CNTN3: variants seen among roughly 807,000 people sequenced by gnomAD.
CNTN3 encodes the protein contactin-3.
CNTN3 carries 60 observed loss-of-function variants against 119.1 expected under a neutral mutation model. That is an observed-to-expected ratio of 0.50 (90% CI 0.41 to 0.62). The LOEUF (loss-of-function observed/expected upper bound fraction) is 0.62. CNTN3 is among the 20% of genes least tolerant of loss of function. The pLI is 0.00. For missense variants in CNTN3, 1,101 were observed against 1,242.4 expected, an observed-to-expected ratio of 0.89 and a Z score of 1.71; for synonymous variants, 450 against 438.7, an observed-to-expected ratio of 1.03 and a Z score of -0.32.
At chr3:74,514,868 G>C (rs1451789883) in intron 2 of CNTN3, among the ~76,000 whole-genome samples, 2 of 152,068 alleles carry the variant, frequency 1.3e-5, no homozygotes, top group Admixed American at 1.3e-4. Context: ...TGGGAAAAGA[G>C]AAAACACACA....
At chr3:74,475,001 G>A (rs1702629408) in intron 4 of CNTN3, among the ~76,000 whole-genome samples, 1 of 152,206 alleles carries the variant, frequency 6.6e-6, no homozygotes, top group East Asian at 1.9e-4. Flanking sequence ...GCAGATGCCA[G>A]CATCATACTT....
intron 1 of CNTN3, among the ~76,000 whole-genome samples, chr3:74,523,773 C>A (rs192655504): frequency 6.6e-6 from 1 of 151,828 alleles, no homozygotes; most frequent in Non-Finnish European, 1.5e-5. Context: ...GAAAAAAATA[C>A]ATGGTCTGCA....
rs369934524 is a variant in CNTN3 at position 74,454,979 on chromosome 3, T to C, written c.359-30039A>G. Among the ~76,000 whole-genome samples, 521 of 152,276 alleles carry C rather than the reference T, an allele frequency of 3.4e-3. 5 individuals are homozygous for C. The highest frequency in any genetic ancestry group is 0.03 in the East Asian group (154 of 5,156). ...TCAACTTTGGTGACTCTGACAATTATGTGTCTTGGAGTTGCTCTTCTCAAA... is the reference window on the plus strand; with the variant it reads ...TCAACTTTGGTGACTCTGACAATTACGTGTCTTGGAGTTGCTCTTCTCAAA... On this transcript the variant is annotated intron_variant, in intron 4 of 22. Transcript: ENST00000263665.
chr3:74,328,821 C>T lies in CNTN3; in HGVS notation c.1668+5914G>A, dbSNP rs372127544. 4.1e-4 allele frequency among the ~76,000 whole-genome samples: 63 copies of T among 152,264 alleles called. No homozygotes were observed. In the East Asian group the frequency reaches 0.01, roughly 24 times the overall value. ...CATTATGGGAAGAGTCATGCTTCAACGACGTGGGTTCAAGATAAATAATAA... is the reference window on the plus strand; with the variant it reads ...CATTATGGGAAGAGTCATGCTTCAATGACGTGGGTTCAAGATAAATAATAA... On this transcript the variant is annotated intron_variant, in intron 13 of 22. Transcript: ENST00000263665.
intron 1 of CNTN3, among the ~76,000 whole-genome samples, chr3:74,608,417 C>T (rs138137008): frequency 6.6e-5 from 10 of 152,236 alleles, no homozygotes; most frequent in East Asian, 3.9e-4. Context: ...TTCTTTCATA[C>T]GCTAATGTTT....
intron 1 of CNTN3, among the ~76,000 whole-genome samples, chr3:74,567,534 G>C (rs1430533446): frequency 6.6e-6 from 1 of 151,942 alleles, no homozygotes; most frequent in South Asian, 2.1e-4. Flanking sequence ...AGTTCCTGCT[G>C]TGTGATACAT....
intron 1 of CNTN3, among the ~76,000 whole-genome samples, chr3:74,573,898 A>G (rs1014424274): frequency 1.3e-5 from 2 of 152,194 alleles, no homozygotes; most frequent in African/African-American, 2.4e-5. Context: ...GCCATTTTCC[A>G]AAAAGTTAAA....
chr3:74,300,004 A>C, intron 16 of CNTN3, 66 bp from the exon 17 acceptor site: 3 of 1,025,990 alleles, frequency 2.9e-6, no homozygotes, highest in Admixed American at 2.7e-5. Flanking sequence ...CTAAAAGATA[A>C]TGCAATGTTT....
chr3:74,416,786 G>A (rs1047739225), intron 5 of CNTN3, among the ~76,000 whole-genome samples: 1 of 152,106 alleles, frequency 6.6e-6, no homozygotes, highest in Admixed American at 6.5e-5. Context: ...TCAGGAGATC[G>A]AGAACAGGCT....
At chr3:74,302,387 T>C (rs1320769887) in intron 14 of CNTN3, among the ~76,000 whole-genome samples, 1 of 152,226 alleles carries the variant, frequency 6.6e-6, no homozygotes, top group African/African-American at 2.4e-5. Context: ...GCAAACACAC[T>C]GCACAATATT....
At chr3:74,495,171 T>G (rs1244040896) in intron 3 of CNTN3, among the ~76,000 whole-genome samples, 2 of 152,036 alleles carry the variant, frequency 1.3e-5, no homozygotes, top group Non-Finnish European at 2.9e-5. Flanking sequence ...GAGTTGAACT[T>G]GAGCATGAAC....
At position 74,334,912 on chromosome 3, in the gene CNTN3, T is replaced by C; in HGVS notation, c.1493-2A>G. 6 of 1,600,596 alleles carry C rather than the reference T, an allele frequency of 3.7e-6. No homozygotes were observed. The highest frequency in any genetic ancestry group is 5.1e-6 in the Non-Finnish European group (6 of 1,174,636). On this transcript the variant is annotated splice_acceptor_variant, in intron 12 of 22. Transcript: ENST00000263665. LOFTEE classifies it high-confidence loss of function. The stretch of plus-strand genomic sequence containing the variant: ...GTGCCAAAGTTATTCTTGTTGGTTC[T>C]ATTGGGGAAATAATTTTTCAGAAAA...
At chr3:74,366,772 G>GTATATATATATATA (rs1308606541) in intron 8 of CNTN3, among the ~76,000 whole-genome samples, 1 of 43,476 alleles carries the variant, frequency 2.3e-5, no homozygotes, top group African/African-American at 1.3e-4. Flanking sequence ...GTGTGTGTGT[G>GTATATATATATATA]TGTGTGTGTA....
intron 5 of CNTN3, among the ~76,000 whole-genome samples, chr3:74,418,604 A>G (rs1168675212): frequency 6.6e-6 from 1 of 151,486 alleles, no homozygotes; most frequent in Admixed American, 6.6e-5. Context: ...GCTTCCCAAA[A>G]TGTTAGGATT....
At chr3:74,494,199 T>C (rs1703017397) in intron 3 of CNTN3, among the ~76,000 whole-genome samples, 1 of 152,100 alleles carries the variant, frequency 6.6e-6, no homozygotes, top group Non-Finnish European at 1.5e-5. Context: ...TGGCTCAACC[T>C]TACCGATTGC....
At chr3:74,470,342 A>G (rs984335271) in intron 4 of CNTN3, among the ~76,000 whole-genome samples, 2 of 152,208 alleles carry the variant, frequency 1.3e-5, no homozygotes, top group African/African-American at 4.8e-5. Flanking sequence ...TATGTAAATT[A>G]TATCTCAAAA....
chr3:74,592,693 G>A (rs1024491029), intron 1 of CNTN3, among the ~76,000 whole-genome samples: 2 of 151,862 alleles, frequency 1.3e-5, no homozygotes, highest in Non-Finnish European at 1.5e-5. Context: ...CAGTAAATGT[G>A]GGTCACATCT....
At chr3:74,415,942 C>T (rs1455333106) in intron 5 of CNTN3, among the ~76,000 whole-genome samples, 1 of 152,172 alleles carries the variant, frequency 6.6e-6, no homozygotes, top group East Asian at 1.9e-4. Context: ...GGTGTTCTCC[C>T]TGGGCCAATC....
intron 13 of CNTN3, among the ~76,000 whole-genome samples, chr3:74,331,072 A>C (rs1703253240): frequency 6.6e-6 from 1 of 152,254 alleles, no homozygotes; most frequent in African/African-American, 2.4e-5. Flanking sequence ...GTGTATCCTA[A>C]GTGTACAGTG....
Sources: allele counts gnomAD v4.1 joint callset (sites outside exome capture counted in the v4.1 genomes callset), GRCh38; gene constraint gnomAD v4.1.1; transcripts MANE v1.5; gene names NCBI Gene and HGNC (gene_info 2026-07-23, HGNC 2026-07-21).